The following CCDC91 variants were observed in gnomAD, a reference collection of about 807,000 sequenced individuals.
The protein encoded by CCDC91 is coiled-coil domain-containing protein 91.
Under a neutral mutation model 63.2 loss-of-function variants are expected in CCDC91, and 48 were observed. The observed-to-expected ratio is 0.76, with a 90% confidence interval of 0.60 to 0.97. The LOEUF is 0.97. CCDC91 is among the 50% of genes least tolerant of loss of function. The pLI is 0.00. For missense variants in CCDC91, 500 were observed against 494.6 expected (o/e 1.01, Z -0.10); for synonymous variants, 167 against 165.8 (o/e 1.01, Z -0.06).
At chr12:28,483,150 C>T (rs577093410) in intron 11 of CCDC91, among the ~76,000 whole-genome samples, 1 of 151,992 alleles carries the variant, frequency 6.6e-6, no homozygotes, top group South Asian at 2.1e-4. Context: ...TTCTGAGTTA[C>T]ATATAAATAT....
chr12:28,518,829 A>C (rs1002547074), intron 12 of CCDC91, among the ~76,000 whole-genome samples: 1 of 152,018 alleles, frequency 6.6e-6, no homozygotes, highest in Admixed American at 6.6e-5. Flanking sequence ...TGATATTTGT[A>C]TAAGGTGAGA....
intron 12 of CCDC91, among the ~76,000 whole-genome samples, chr12:28,506,743 C>T (rs1388954971): frequency 6.6e-6 from 1 of 151,608 alleles, no homozygotes; most frequent in Non-Finnish European, 1.5e-5. Context: ...AAGGTCACAC[C>T]ACTAGAAAGT....
In CCDC91 at chr12:28,299,011, A is replaced by G. The variant is rs1937743846; in HGVS notation, c.110-6638A>G. On this transcript the variant is annotated intron_variant, in intron 3 of 12. Coordinates refer to ENST00000536442, the MANE Select transcript of CCDC91 (RefSeq NM_018318.5). ...AGGTTGTTGCCACTTGTTTGCTGTT[A>G]TGAACAGTAACTGGTGGAAACTTTC... is the stretch of plus-strand genomic sequence containing the variant. Among the ~76,000 whole-genome samples, 2 of 151,606 alleles carry G rather than the reference A, an allele frequency of 1.3e-5. 1 individual carries two copies. The highest frequency in any genetic ancestry group is 4.1e-4 in the South Asian group (2 of 4,828).
chr12:28,451,920 T>A (rs2140346681), intron 10 of CCDC91, among the ~76,000 whole-genome samples: 1 of 151,726 alleles, frequency 6.6e-6, no homozygotes, highest in South Asian at 2.1e-4. Context: ...AAAAACATCA[T>A]TACAGATTTA....
chr12:28,299,338 C>T (rs982802931), intron 3 of CCDC91, among the ~76,000 whole-genome samples: 3 of 151,206 alleles, frequency 2.0e-5, no homozygotes, highest in African/African-American at 7.3e-5. Context: ...TCTTATTCTC[C>T]TCAGTATTTA....
intron 8 of CCDC91, among the ~76,000 whole-genome samples, chr12:28,413,406 A>G (rs972528185): frequency 6.6e-6 from 1 of 152,026 alleles, no homozygotes; most frequent in Non-Finnish European, 1.5e-5. Context: ...TTTCTTTCCT[A>G]AATTATAGTC....
chr12:28,262,457 CAGGACAGG>C (rs1946887962), intron 3 of CCDC91, among the ~76,000 whole-genome samples: 1 of 151,974 alleles, frequency 6.6e-6, no homozygotes, highest in Non-Finnish European at 1.5e-5. Context: ...TCTACTGCTT[CAGGACAGG>C]CCAGTAGGTG....
chr12:28,531,768 G>C (rs903977643), intron 12 of CCDC91, among the ~76,000 whole-genome samples: 3 of 152,098 alleles, frequency 2.0e-5, no homozygotes, highest in African/African-American at 7.2e-5. Flanking sequence ...CATTTAGTCA[G>C]CTGCACCATG....
At chr12:28,407,402 A>C (rs1947020348) in intron 8 of CCDC91, among the ~76,000 whole-genome samples, 1 of 152,202 alleles carries the variant, frequency 6.6e-6, no homozygotes, top group Non-Finnish European at 1.5e-5. Flanking sequence ...ACTTTACTCC[A>C]TTATGATACT....
intron 3 of CCDC91, among the ~76,000 whole-genome samples, chr12:28,264,575 A>ATGTCTG (rs574967825): frequency 1.8e-4 from 12 of 65,688 alleles, no homozygotes; most frequent in South Asian, 1.1e-3. Context: ...ACATATATAT[A>ATGTCTG]TATGTCTGTC....
chr12:28,213,929 G>A (rs1237142292), intron 1 of CCDC91, among the ~76,000 whole-genome samples: 2 of 152,126 alleles, frequency 1.3e-5, no homozygotes, highest in Non-Finnish European at 1.5e-5. Flanking sequence ...CCAGAAGGCT[G>A]TATATATGCT....
At chr12:28,233,056 T>C (rs529340920) in intron 1 of CCDC91, among the ~76,000 whole-genome samples, 1 of 152,090 alleles carries the variant, frequency 6.6e-6, no homozygotes, top group Non-Finnish European at 1.5e-5. Context: ...CTAAGTCTTT[T>C]TTTTCCCCAA....
At chr12:28,539,966 G>A (rs12303496) in intron 12 of CCDC91, among the ~76,000 whole-genome samples, 14,643 of 152,030 alleles carry the variant, frequency 0.096, 2,176 homozygotes, top group African/African-American at 0.32. Flanking sequence ...TTAATTAAGT[G>A]GTGCTTTGTT....
chr12:28,473,708 G>C (rs1950937378), intron 11 of CCDC91, among the ~76,000 whole-genome samples: 2 of 152,102 alleles, frequency 1.3e-5, no homozygotes. Flanking sequence ...GACTCATGAA[G>C]AGCCAAGAAA....
At chr12:28,263,364 C>G (rs1451940086) in intron 3 of CCDC91, among the ~76,000 whole-genome samples, 1 of 151,960 alleles carries the variant, frequency 6.6e-6, no homozygotes, top group Admixed American at 6.6e-5. Flanking sequence ...TTGCCCCCTT[C>G]CCTCAGCCTC....
At chr12:28,455,995 G>A (rs565254392) in intron 11 of CCDC91, among the ~76,000 whole-genome samples, 1 of 152,142 alleles carries the variant, frequency 6.6e-6, no homozygotes, top group African/African-American at 2.4e-5. Context: ...CTGAGGCCTT[G>A]TATTTTGCCA....
chr12:28,317,865 C>T (rs557968418), intron 6 of CCDC91, among the ~76,000 whole-genome samples: 1 of 151,778 alleles, frequency 6.6e-6, no homozygotes, highest in African/African-American at 2.4e-5. Context: ...TACTGATTAC[C>T]AACACCATGA....
chr12:28,267,736 TATAATTATA>T (rs1947312997), intron 3 of CCDC91, among the ~76,000 whole-genome samples: 1 of 77,962 alleles, frequency 1.3e-5, no homozygotes, highest in Non-Finnish European at 2.5e-5. Flanking sequence ...ATTTATTATA[TATAATTATA>T]TATTACTATA....
At chr12:28,386,283 T>C (rs1213159760) in intron 7 of CCDC91, among the ~76,000 whole-genome samples, 2 of 152,140 alleles carry the variant, frequency 1.3e-5, no homozygotes, top group Non-Finnish European at 2.9e-5. Context: ...CAGCTGGTTA[T>C]GTACAAGGCA....
Sources: allele counts gnomAD v4.1 joint callset (sites outside exome capture counted in the v4.1 genomes callset), GRCh38; gene constraint gnomAD v4.1.1; transcripts MANE v1.5; gene names NCBI Gene and HGNC (gene_info 2026-07-23, HGNC 2026-07-21).